NETO1: variants seen among roughly 807,000 people sequenced by gnomAD.
The protein encoded by NETO1 is neuropilin and tolloid like 1, also known as neuropilin and tolloid-like protein 1.
A neutral mutation model predicts 61.3 loss-of-function variants in NETO1; 26 were observed. The observed-to-expected ratio is 0.42, with a 90% CI of 0.31 to 0.59. The LOEUF is 0.59. Ranked by LOEUF, NETO1 falls within the 20% of genes least tolerant of loss-of-function variation. The pLI is 0.12. For synonymous variants in NETO1, 225 were observed against 225.8 expected (o/e 1.00, Z 0.03); for missense variants, 531 against 662.8 (o/e 0.80, Z 2.18).
rs1208266984 is a variant in NETO1 at position 72,747,763 on chromosome 18, T to C, written c.*416A>G. On this transcript the variant is annotated 3_prime_UTR_variant, in exon 11 of 11. Coordinates refer to ENST00000327305, the MANE Select transcript of NETO1 (RefSeq NM_138966.5). Reference sequence around the variant, plus strand: ...CAAGCTGTCTATATAATGAAAACAATGTACATGTAACACAAGGTTCATCCA... The same window carrying C: ...CAAGCTGTCTATATAATGAAAACAACGTACATGTAACACAAGGTTCATCCA... The C allele has an allele frequency of 6.6e-6, 1 of 152,072 alleles. No individual in the cohort carries two copies. The highest frequency in any genetic ancestry group is 2.4e-5 in the African/African-American group (1 of 41,430). 9.4% of individuals were successfully genotyped at this position (152,072 alleles called of 1,614,324 possible). A position where few individuals can be genotyped will look rare whatever the true frequency, so the allele number is the denominator to read the frequency against.
intron 6 of NETO1, among the ~76,000 whole-genome samples, chr18:72,785,345 G>A (rs1014775841): frequency 3.9e-5 from 6 of 152,076 alleles, no homozygotes; most frequent in African/African-American, 7.2e-5. Flanking sequence ...AACAGGGCAC[G>A]AGTTCCTGTC....
intron 4 of NETO1, chr18:72,835,175 C>T (rs927134347): frequency 6.1e-6 from 8 of 1,308,466 alleles, no homozygotes; most frequent in African/African-American, 3.0e-5. Flanking sequence ...GGGCACAAAT[C>T]GTGGTGCACC....
chr18:72,787,838 C>G lies in NETO1; in HGVS notation c.640-3932G>C, dbSNP rs539074383. Among the ~76,000 whole-genome samples, 6 of 151,852 alleles carry G rather than the reference C, an allele frequency of 4.0e-5. No homozygotes were observed. In the South Asian group the frequency reaches 6.3e-4, roughly 16 times the overall value. ...TTTTAAATGCTCACAGAGTTATAGC[C>G]CAGAAAGAAAGTTATATTCTTAAAG... On this transcript the variant is annotated intron_variant, in intron 6 of 10. Transcript: ENST00000327305.
chr18:72,826,512 T>C (rs1893459), intron 4 of NETO1, among the ~76,000 whole-genome samples: 50,470 of 151,720 alleles, frequency 0.33, 8,593 homozygotes, highest in Middle Eastern at 0.38. Context: ...TCATATTTTG[T>C]GTTTTTCTTA....
intron 3 of NETO1, among the ~76,000 whole-genome samples, chr18:72,859,283 T>C (rs1375747560): frequency 6.6e-6 from 1 of 152,212 alleles, no homozygotes; most frequent in African/African-American, 2.4e-5. Context: ...CCGATGATGT[T>C]GCATAAAATA....
intron 4 of NETO1, among the ~76,000 whole-genome samples, chr18:72,818,181 A>G (rs2073085512): frequency 6.6e-6 from 1 of 152,194 alleles, no homozygotes; most frequent in Admixed American, 6.5e-5. Flanking sequence ...TTACACATAG[A>G]GTGATAATTG....
At chr18:72,809,247 T>C (rs1016681841) in intron 4 of NETO1, among the ~76,000 whole-genome samples, 4 of 152,082 alleles carry the variant, frequency 2.6e-5, no homozygotes, top group Non-Finnish European at 5.9e-5. Flanking sequence ...AAATAAATGA[T>C]AAAAAGCTTT....
At chr18:72,791,529 C>A (rs960327195) in intron 6 of NETO1, among the ~76,000 whole-genome samples, 1 of 152,228 alleles carries the variant, frequency 6.6e-6, no homozygotes, top group African/African-American at 2.4e-5. Context: ...CTTTGTCCAG[C>A]TCTGCAGGCA....
chr18:72,793,257 G>C (rs1208857107), intron 6 of NETO1, among the ~76,000 whole-genome samples: 1 of 152,010 alleles, frequency 6.6e-6, no homozygotes, highest in Admixed American at 6.6e-5. Context: ...TTATAACTTT[G>C]TAACTGAGGA....
chr18:72,794,808 A>G (rs1343591030), intron 4 of NETO1, among the ~76,000 whole-genome samples: 1 of 152,208 alleles, frequency 6.6e-6, no homozygotes, highest in Non-Finnish European at 1.5e-5. Flanking sequence ...GGTTTGAGGC[A>G]ATTTCCCTTT....
intron 4 of NETO1, among the ~76,000 whole-genome samples, chr18:72,826,198 T>C (rs989317131): frequency 1.4e-4 from 21 of 152,166 alleles, no homozygotes; most frequent in African/African-American, 5.1e-4. Context: ...TCTTACAGCT[T>C]GTTATTTTAT....
At chr18:72,820,120 T>C (rs977656576) in intron 4 of NETO1, among the ~76,000 whole-genome samples, 1 of 152,210 alleles carries the variant, frequency 6.6e-6, no homozygotes, top group Admixed American at 6.5e-5. Context: ...TTCAAATTCA[T>C]AAGGTACTCT....
intron 4 of NETO1, among the ~76,000 whole-genome samples, chr18:72,801,432 G>T (rs1199572806): frequency 6.6e-6 from 1 of 152,032 alleles, no homozygotes; most frequent in African/African-American, 2.4e-5. Flanking sequence ...AAAATATACG[G>T]AAGAGTTTTC....
rs529851861 is a variant in NETO1, at chr18:72,830,343, A to G, written c.469+28483T>C. 3.9e-5 allele frequency among the ~76,000 whole-genome samples: 6 copies of G among 152,250 alleles called. No homozygotes were observed. Among genetic ancestry groups the G allele is most frequent in the South Asian group, 4.2e-4 (2 of 4,816 alleles). On this transcript the variant is annotated intron_variant, in intron 4 of 10. Transcript: ENST00000327305. The surrounding 1 kb of genome is among the most constrained non-coding windows in gnomAD (Gnocchi z 4.9). ...ACTCAGCACCCTGGACAGCGTCCAA[A>G]CCCCAGAAACGGGTTGGCAGGGAGG...
At chr18:72,742,563 G>T (rs2070360230), downstream of NETO1, 1 of 152,166 alleles carries the variant, frequency 6.6e-6, no homozygotes, top group Non-Finnish European at 1.5e-5. Context: ...TTTTACAGAT[G>T]AGGAAACACA....
chr18:72,842,640 T>C (rs2073970614), intron 4 of NETO1, among the ~76,000 whole-genome samples: 2 of 152,134 alleles, frequency 1.3e-5, no homozygotes, highest in Admixed American at 1.3e-4. Flanking sequence ...AACAAATTGG[T>C]GTCTTTGAGA....
chr18:72,833,123 T>C (rs962164479), intron 4 of NETO1, among the ~76,000 whole-genome samples: 2 of 152,218 alleles, frequency 1.3e-5, no homozygotes, highest in Middle Eastern at 3.2e-3. Context: ...ATATATGTTA[T>C]TTAAATTCTC....
intron 4 of NETO1, among the ~76,000 whole-genome samples, chr18:72,846,715 G>A (rs1170773142): frequency 6.6e-6 from 1 of 151,940 alleles, no homozygotes; most frequent in Non-Finnish European, 1.5e-5. Context: ...GGAGAAAGTC[G>A]TGTGCACGTG....
intron 9 of NETO1, 45 bp from the exon 10 acceptor site, chr18:72,749,133 A>AC: frequency 1.0e-6 from 1 of 972,562 alleles, no homozygotes; most frequent in Non-Finnish European, 1.5e-6. Context: ...CTATTTGCAC[A>AC]AAAAAATATG....
Sources: gnomAD v4.1 joint callset for allele counts (sites outside exome capture counted in the v4.1 genomes callset) on GRCh38, gnomAD v4.1.1 for gene constraint, Gnocchi (gnomAD v3.1) non-coding constraint, MANE v1.5 for transcripts, NCBI Gene and HGNC (gene_info 2026-07-23, HGNC 2026-07-21) for gene names.